The following BPIFB1 variants were observed in gnomAD, a reference collection of about 807,000 sequenced individuals.
BPIFB1 encodes the protein BPI fold containing family B member 1.
BPIFB1 carries 34 observed loss-of-function variants against 55.1 expected under a neutral mutation model. That is an observed-to-expected ratio of 0.62 (90% CI 0.47 to 0.82). The LOEUF is 0.82. Ranked by LOEUF, BPIFB1 falls within the 40% of genes least tolerant of loss-of-function variation. The pLI, the probability that BPIFB1 is intolerant of heterozygous loss-of-function variation, is 0.00. For missense variants in BPIFB1, 532 were observed against 593.1 expected, an observed-to-expected ratio of 0.90 and a Z score of 1.07; for synonymous variants, 236 against 245.3, an observed-to-expected ratio of 0.96 and a Z score of 0.35.
At chr20:33,285,287 G>A (rs1722152584) in intron 1 of BPIFB1, among the ~76,000 whole-genome samples, 1 of 152,120 alleles carries the variant, frequency 6.6e-6, no homozygotes, top group African/African-American at 2.4e-5. Flanking sequence ...CTAGAACAAG[G>A]GGAGAGAAAG....
chr20:33,301,141 A>T (rs2146533595), intron 8 of BPIFB1, 92 bp from the exon 9 acceptor site: 1 of 1,310,006 alleles, frequency 7.6e-7, no homozygotes, highest in African/African-American at 1.5e-5. Context: ...ACAAAAAGGA[A>T]ACAGGCTGAA....
At chr20:33,291,172 C>T in intron 5 of BPIFB1, 66 bp downstream of exon 5, 1 of 1,573,280 alleles carries the variant, frequency 6.4e-7, no homozygotes, top group South Asian at 1.1e-5. Context: ...CAGTGGACTT[C>T]CCCCATTTTA....
chr20:33,289,395 C>CAA (rs1267786219), intron 3 of BPIFB1, among the ~76,000 whole-genome samples: 11 of 105,844 alleles, frequency 1.0e-4, no homozygotes, highest in South Asian at 3.1e-4. Flanking sequence ...AAAAAAAAAA[C>CAA]AAAAAAAAAA....
At position 33,309,652 on chromosome 20, in the gene BPIFB1, C is replaced by A. The variant is rs1165267729; in HGVS notation, c.1396-56C>A. ...TTATGGAGGACAAAACCAGCATAAACCACAAGGCAAAAGGTTAAAGAAACC... is the reference window on the plus strand; with the variant it reads ...TTATGGAGGACAAAACCAGCATAAAACACAAGGCAAAAGGTTAAAGAAACC... On this transcript the variant is annotated intron_variant, in intron 15 of 15. Coordinates refer to ENST00000253354, the MANE Select transcript of BPIFB1 (RefSeq NM_033197.3). The surrounding 1 kb of genome is among the most constrained non-coding windows in gnomAD (Gnocchi z 4.4). 6.4e-6 allele frequency: 10 copies of A among 1,567,968 alleles called. No individual in the cohort carries two copies. In the East Asian group the frequency reaches 2.0e-4, roughly 32 times the overall value.
At chr20:33,305,494 C>G (rs773475711) in intron 13 of BPIFB1, among the ~76,000 whole-genome samples, 1 of 151,480 alleles carries the variant, frequency 6.6e-6, no homozygotes, top group African/African-American at 2.4e-5. Context: ...ATTTTTTGTA[C>G]TTTTAGTAGA....
rs936547140 is a variant in BPIFB1, at chr20:33,286,098, C to A, written c.25C>A (p.Leu9Ile). ...GATGGCCGGCCCGTGGACCTTCACC[C>A]TTCTCTGTGGTTTGCTGGCAGCCAC... MAGPWTFT[L>I]LCGLLAATLI... Residue 9 changes from leucine (L) to isoleucine (I), a missense_variant, in exon 2 of 16, where the codon CTT becomes ATT. Coordinates refer to ENST00000253354, the MANE Select transcript of BPIFB1 (RefSeq NM_033197.3). 1.2e-6 allele frequency: 2 copies of A among 1,614,232 alleles called. No homozygotes were observed. Among genetic ancestry groups the A allele is most frequent in the Admixed American group, 3.3e-5 (2 of 60,026 alleles).
At chr20:33,301,486 C>T in intron 9 of BPIFB1, 74 bp downstream of exon 9, 1 of 1,430,862 alleles carries the variant, frequency 7.0e-7, no homozygotes, top group Non-Finnish European at 9.6e-7. Context: ...ACAGGGTGCC[C>T]CTAAGCAGGA....
intron 2 of BPIFB1, among the ~76,000 whole-genome samples, chr20:33,287,088 G>A (rs772276664): frequency 6.6e-6 from 1 of 152,246 alleles, no homozygotes; most frequent in Non-Finnish European, 1.5e-5. Context: ...GTAAGGACGG[G>A]AAGCAGAGGG....
intron 9 of BPIFB1, 81 bp from the exon 10 acceptor site, chr20:33,302,278 C>T (rs1211332450): frequency 1.4e-6 from 2 of 1,466,200 alleles, no homozygotes; most frequent in Non-Finnish European, 1.9e-6. Context: ...TCCTGGGAAA[C>T]CTTCCTCCCA....
intron 1 of BPIFB1, 60 bp from the exon 2 acceptor site, chr20:33,285,973 C>G (rs1251067868): frequency 1.9e-6 from 2 of 1,075,758 alleles, no homozygotes; most frequent in African/African-American, 3.1e-5. Context: ...CCCCAGGTCA[C>G]CGGGCATCAT....
intron 7 of BPIFB1, 156 bp downstream of exon 7, chr20:33,297,744 C>G (rs1183552772): frequency 7.9e-6 from 6 of 761,276 alleles, no homozygotes; most frequent in Non-Finnish European, 1.4e-5. Flanking sequence ...CTGCCCCAGA[C>G]GCGCAGACAG....
intron 3 of BPIFB1, among the ~76,000 whole-genome samples, chr20:33,289,381 C>CAAAAA (rs1217903188): frequency 1.9e-5 from 2 of 105,808 alleles, no homozygotes; most frequent in Admixed American, 9.8e-5. Context: ...GATTCTGTCT[C>CAAAAA]AAAAAAAAAA....
chr20:33,304,086 T>C (rs1980940618), intron 12 of BPIFB1, 61 bp downstream of exon 12: 1 of 1,500,350 alleles, frequency 6.7e-7, no homozygotes, highest in South Asian at 1.2e-5. Flanking sequence ...CTGGTAACCA[T>C]GGGTTTCTTT....
chr20:33,309,635 G>C lies in BPIFB1; in HGVS notation c.1396-73G>C. ...CGGTGCCAGCAGTCACCTTATGGAG[G>C]ACAAAACCAGCATAAACCACAAGGC... On this transcript the variant is annotated intron_variant, in intron 15 of 15. Coordinates refer to ENST00000253354, the MANE Select transcript of BPIFB1 (RefSeq NM_033197.3). This position sits in a 1 kb window ranked among gnomAD's most constrained non-coding sequence, Gnocchi z 4.4. 1 of 1,465,972 alleles carries C rather than the reference G, an allele frequency of 6.8e-7. No homozygotes were observed. Among genetic ancestry groups the C allele is most frequent in the Non-Finnish European group, 9.6e-7 (1 of 1,046,370 alleles). The allele number at this position is 1,465,972 out of a possible 1,614,324, so 90.8% of individuals were successfully genotyped here.
intron 6 of BPIFB1, among the ~76,000 whole-genome samples, chr20:33,293,614 G>C (rs1011767006): frequency 6.6e-6 from 1 of 152,136 alleles, no homozygotes; most frequent in African/African-American, 2.4e-5. Context: ...GAGGCGGGAG[G>C]ATCACTTGAG....
At chr20:33,290,635 A>G (rs186035166) in intron 4 of BPIFB1, among the ~76,000 whole-genome samples, 1 of 152,304 alleles carries the variant, frequency 6.6e-6, no homozygotes, top group East Asian at 1.9e-4. Flanking sequence ...AGTAACCAAG[A>G]CAGGCAAGGC....
At position 33,287,763 on chromosome 20, in the gene BPIFB1, G is replaced by T. The variant is rs545339067; in HGVS notation, c.116-978G>T. Among the ~76,000 whole-genome samples, 3 of 152,280 alleles carry T rather than the reference G, an allele frequency of 2.0e-5. No individual in the cohort carries two copies. In the East Asian group the frequency reaches 5.8e-4, roughly 29 times the overall value. On this transcript the variant is annotated intron_variant, in intron 2 of 15. Transcript: ENST00000253354. Reference sequence around the variant, plus strand: ...GGGGCTGCTGTTAACTCACGGGGAAGCTGTCTCTGGGGAACTGCCTAGAAG... The same window carrying T: ...GGGGCTGCTGTTAACTCACGGGGAATCTGTCTCTGGGGAACTGCCTAGAAG...
intron 8 of BPIFB1, 65 bp from the exon 9 acceptor site, chr20:33,301,168 T>C (rs1980835260): frequency 4.7e-6 from 7 of 1,486,322 alleles, no homozygotes; most frequent in African/African-American, 1.4e-5. Flanking sequence ...CATTTCCTTC[T>C]AGGTTGCTAT....
chr20:33,296,426 C>T (rs553735715), intron 6 of BPIFB1, among the ~76,000 whole-genome samples: 5 of 152,176 alleles, frequency 3.3e-5, no homozygotes, highest in Admixed American at 2.6e-4. Context: ...GGGTGGTCAA[C>T]AAGACAAAAA....
Sources: allele counts gnomAD v4.1 joint callset (sites outside exome capture counted in the v4.1 genomes callset), GRCh38; gene constraint gnomAD v4.1.1; non-coding constraint Gnocchi (gnomAD v3.1); transcripts MANE v1.5; gene names NCBI Gene and HGNC (gene_info 2026-07-23, HGNC 2026-07-21).